EBF1: variants seen among roughly 807,000 people sequenced by gnomAD.
The protein encoded by EBF1 is EBF transcription factor 1.
Under a neutral mutation model 68.4 loss-of-function variants are expected in EBF1, and 10 were observed. The observed-to-expected ratio is 0.15, with a 90% CI of 0.09 to 0.25. The LOEUF (loss-of-function observed/expected upper bound fraction) is 0.25. Among genes scored for constraint, EBF1 ranks in the 10% least tolerant of loss-of-function variants. The pLI, the probability that EBF1 is intolerant of heterozygous loss-of-function variation, is 1.00. For synonymous variants in EBF1, 298 were observed against 299.8 expected, an observed-to-expected ratio of 0.99 and a Z score of 0.06; for missense variants, 509 against 794.4, an observed-to-expected ratio of 0.64 and a Z score of 4.32.
At chr5:158,872,886 A>G (rs1269687854) in intron 6 of EBF1, among the ~76,000 whole-genome samples, 1 of 152,106 alleles carries the variant, frequency 6.6e-6, no homozygotes, top group Non-Finnish European at 1.5e-5. Context: ...CTGGGTGTAG[A>G]CCAGAAATCT....
chr5:158,985,502 G>A (rs937155120), intron 6 of EBF1, among the ~76,000 whole-genome samples: 4 of 152,184 alleles, frequency 2.6e-5, no homozygotes, highest in Non-Finnish European at 5.9e-5. Context: ...TATAAGTCCA[G>A]GGCAGAGAAC....
intron 10 of EBF1, among the ~76,000 whole-genome samples, chr5:158,744,270 C>T (rs1008946807): frequency 1.7e-4 from 26 of 151,572 alleles, no homozygotes; most frequent in Non-Finnish European, 3.2e-4. Context: ...GCAGACACTA[C>T]GGGGAACACA....
chr5:159,087,117 G>T (rs1002592582), intron 4 of EBF1, among the ~76,000 whole-genome samples: 1 of 151,514 alleles, frequency 6.6e-6, no homozygotes, highest in Non-Finnish European at 1.5e-5. Flanking sequence ...CTAAATACTC[G>T]TAATAATCTC....
At chr5:158,918,904 A>G (rs993835734) in intron 6 of EBF1, among the ~76,000 whole-genome samples, 8 of 152,232 alleles carry the variant, frequency 5.3e-5, no homozygotes, top group African/African-American at 1.7e-4. Flanking sequence ...ATTTAGGTTA[A>G]GGGAGGGCTT....
At chr5:158,743,091 G>A (rs995066295) in intron 10 of EBF1, among the ~76,000 whole-genome samples, 3 of 152,096 alleles carry the variant, frequency 2.0e-5, no homozygotes, top group Non-Finnish European at 4.4e-5. Context: ...AGAAGAACAT[G>A]GTCCAGTGGG....
intron 6 of EBF1, among the ~76,000 whole-genome samples, chr5:158,883,869 G>C (rs1799455771): frequency 2.0e-5 from 3 of 152,128 alleles, no homozygotes; most frequent in Non-Finnish European, 2.9e-5. Context: ...GGAGCTCACA[G>C]TCTATTATAA....
chr5:158,927,728 C>T (rs1190259530), intron 6 of EBF1, among the ~76,000 whole-genome samples: 1 of 152,166 alleles, frequency 6.6e-6, no homozygotes, highest in African/African-American at 2.4e-5. Flanking sequence ...AGATCAATGA[C>T]CTTGCTGGCT....
intron 6 of EBF1, among the ~76,000 whole-genome samples, chr5:158,856,930 T>C (rs1263697248): frequency 1.3e-5 from 2 of 152,226 alleles, no homozygotes; most frequent in South Asian, 2.1e-4. Context: ...AGTCCTTAGA[T>C]ACTGCATGGT....
intron 6 of EBF1, among the ~76,000 whole-genome samples, chr5:158,988,954 C>A (rs1759703872): frequency 6.6e-6 from 1 of 152,210 alleles, no homozygotes; most frequent in Admixed American, 6.5e-5. Flanking sequence ...CTGCATAATT[C>A]CAACAGAAAA....
At chr5:158,974,450 G>A (rs980122832) in intron 6 of EBF1, among the ~76,000 whole-genome samples, 38 of 151,986 alleles carry the variant, frequency 2.5e-4, no homozygotes, top group Non-Finnish European at 5.0e-4. Flanking sequence ...AATTTCAATT[G>A]TTTTGCATAA....
chr5:158,739,817 T>G (rs1015557836), intron 10 of EBF1, among the ~76,000 whole-genome samples: 1 of 152,342 alleles, frequency 6.6e-6, no homozygotes, highest in Non-Finnish European at 1.5e-5. Flanking sequence ...TCACCCAGCC[T>G]GTCTGATAAA....
At chr5:159,098,147 T>C (rs1782990764) in intron 1 of EBF1, among the ~76,000 whole-genome samples, 1 of 152,188 alleles carries the variant, frequency 6.6e-6, no homozygotes, top group South Asian at 2.1e-4. Flanking sequence ...CTGAGTCCGA[T>C]AGGGCCTGGG....
chr5:159,003,207 CT>C (rs1762910275), intron 6 of EBF1, among the ~76,000 whole-genome samples: 1 of 152,206 alleles, frequency 6.6e-6, no homozygotes, highest in Non-Finnish European at 1.5e-5. Flanking sequence ...ACAAACATCA[CT>C]GGGTGTGTCT....
intron 10 of EBF1, among the ~76,000 whole-genome samples, chr5:158,769,864 G>A (rs1773528977): frequency 6.6e-6 from 1 of 152,122 alleles, no homozygotes; most frequent in African/African-American, 2.4e-5. Flanking sequence ...GTGGACAGGA[G>A]CAGCCTGTGA....
chr5:159,078,964 A>G (rs1030591155), intron 5 of EBF1, among the ~76,000 whole-genome samples: 2 of 152,346 alleles, frequency 1.3e-5, no homozygotes, highest in Non-Finnish European at 2.9e-5. Flanking sequence ...ACTTTTTCCT[A>G]TGAATAGTGT....
intron 6 of EBF1, among the ~76,000 whole-genome samples, chr5:158,999,298 T>C (rs1444716534): frequency 6.6e-6 from 1 of 152,192 alleles, no homozygotes; most frequent in Non-Finnish European, 1.5e-5. Context: ...ATAATTAGTT[T>C]CCATAAAAAT....
chr5:158,988,158 G>T (rs376871790), intron 6 of EBF1, among the ~76,000 whole-genome samples: 7 of 152,236 alleles, frequency 4.6e-5, no homozygotes, highest in South Asian at 2.1e-4. Flanking sequence ...AAAGACGGAA[G>T]AAACTATGAG....
intron 6 of EBF1, among the ~76,000 whole-genome samples, chr5:158,904,644 C>A (rs1283420580): frequency 1.3e-5 from 2 of 152,078 alleles, no homozygotes; most frequent in South Asian, 4.1e-4. Flanking sequence ...TGACTTTTTT[C>A]GAAAGGTAAT....
intron 6 of EBF1, among the ~76,000 whole-genome samples, chr5:158,980,543 G>C (rs1757689258): frequency 6.6e-6 from 1 of 152,112 alleles, no homozygotes; most frequent in South Asian, 2.1e-4. Flanking sequence ...TTAAGAAGTC[G>C]AGAGAACATG....
Sources: allele counts gnomAD v4.1 joint callset (sites outside exome capture counted in the v4.1 genomes callset), GRCh38; gene constraint gnomAD v4.1.1; transcripts MANE v1.5; gene names NCBI Gene and HGNC (gene_info 2026-07-23, HGNC 2026-07-21).